The following DENND5B variants were observed in gnomAD, a reference collection of about 807,000 sequenced individuals.
The protein encoded by DENND5B is DENN domain-containing protein 5B.
A neutral mutation model predicts 140.6 loss-of-function variants in DENND5B; 34 were observed. The ratio of observed to expected loss-of-function variants is 0.24; its 90% CI spans 0.18 to 0.32. The LOEUF is 0.32. Ranked by LOEUF, DENND5B falls within the 10% of genes least tolerant of loss-of-function variation. The pLI is 1.00. For synonymous variants in DENND5B, 551 were observed against 562.1 expected, an observed-to-expected ratio of 0.98 and a Z score of 0.28; for missense variants, 1,142 against 1,560.2, an observed-to-expected ratio of 0.73 and a Z score of 4.52.
At chr12:31,427,052 C>A (rs1943270838) in intron 8 of DENND5B, among the ~76,000 whole-genome samples, 2 of 152,186 alleles carry the variant, frequency 1.3e-5, no homozygotes, top group Non-Finnish European at 2.9e-5. Context: ...GCTATAGGAT[C>A]ACTCTGAAAA....
intron 1 of DENND5B, among the ~76,000 whole-genome samples, chr12:31,504,253 G>A (rs1029198097): frequency 6.6e-6 from 1 of 152,162 alleles, no homozygotes; most frequent in Non-Finnish European, 1.5e-5. Flanking sequence ...ATACTAGAAT[G>A]TACATGGGCA....
At chr12:31,578,113 T>A (rs1270883309) in intron 1 of DENND5B, among the ~76,000 whole-genome samples, 2 of 100,106 alleles carry the variant, frequency 2.0e-5, no homozygotes, top group Admixed American at 2.9e-4. Flanking sequence ...GGGGACAAAG[T>A]GGGACGCTGT....
At chr12:31,541,540 G>A (rs1948679738) in intron 1 of DENND5B, among the ~76,000 whole-genome samples, 1 of 152,148 alleles carries the variant, frequency 6.6e-6, no homozygotes. Context: ...TACAAAGACA[G>A]GCAATAATAA....
At chr12:31,455,436 TTTGA>T (rs368386546) in intron 4 of DENND5B, among the ~76,000 whole-genome samples, 8 of 152,324 alleles carry the variant, frequency 5.3e-5, no homozygotes, top group African/African-American at 1.9e-4. Context: ...AAGCTGGGGC[TTTGA>T]TTATCTCAAA....
intron 1 of DENND5B, among the ~76,000 whole-genome samples, chr12:31,562,479 G>A (rs572719933): frequency 8.4e-4 from 127 of 151,888 alleles, no homozygotes; most frequent in Non-Finnish European, 1.6e-3. Flanking sequence ...GCGTGGTGGC[G>A]GGCACCTATA....
intron 1 of DENND5B, among the ~76,000 whole-genome samples, chr12:31,575,161 C>T (rs1433599053): frequency 1.3e-5 from 2 of 152,116 alleles, no homozygotes; most frequent in Non-Finnish European, 2.9e-5. Flanking sequence ...ATCTTGTTAC[C>T]CCAGCCATTT....
intron 1 of DENND5B, among the ~76,000 whole-genome samples, chr12:31,509,264 G>A (rs1197280979): frequency 6.6e-6 from 1 of 152,052 alleles, no homozygotes; most frequent in African/African-American, 2.4e-5. Flanking sequence ...CTTTTCCTCT[G>A]TCGACAGTGC....
intron 1 of DENND5B, among the ~76,000 whole-genome samples, chr12:31,513,026 A>G: frequency 6.6e-6 from 1 of 152,160 alleles, no homozygotes; most frequent in African/African-American, 2.4e-5. Context: ...AGCCTCCCTA[A>G]GTTCCTCTTG....
chr12:31,437,974 T>C (rs1318458916), intron 7 of DENND5B, among the ~76,000 whole-genome samples: 1 of 152,246 alleles, frequency 6.6e-6, no homozygotes, highest in Non-Finnish European at 1.5e-5. Context: ...CATCACTTTC[T>C]AGTATTCCAG....
chr12:31,566,942 C>T (rs1949653493), intron 1 of DENND5B, among the ~76,000 whole-genome samples: 1 of 152,164 alleles, frequency 6.6e-6, no homozygotes, highest in South Asian at 2.1e-4. Context: ...AGGAGAACTG[C>T]TTGAGCCTGG....
intron 7 of DENND5B, among the ~76,000 whole-genome samples, chr12:31,437,024 GTATC>G (rs1037378481): frequency 1.3e-5 from 2 of 152,022 alleles, no homozygotes; most frequent in Non-Finnish European, 2.9e-5. Context: ...CTCAATTATA[GTATC>G]TATCACAGAG....
Position 31,522,482 on chromosome 12 carries a change from T to G in DENND5B, c.128-26563A>C, listed in dbSNP as rs965882142. 7.2e-5 allele frequency among the ~76,000 whole-genome samples: 11 copies of G among 152,302 alleles called. No homozygotes were observed. The East Asian group carries it at 1.4e-3, about 19-fold the overall frequency. Reference sequence around the variant, plus strand: ...TATTTTGAGACAAGGTCTGGCTCTATTACCCTGGCTGAAGAGCAGTGGCAC... The same window carrying G: ...TATTTTGAGACAAGGTCTGGCTCTAGTACCCTGGCTGAAGAGCAGTGGCAC... On this transcript the variant is annotated intron_variant, in intron 1 of 20. Coordinates refer to ENST00000389082, the MANE Select transcript of DENND5B (RefSeq NM_144973.4).
chr12:31,432,811 TA>T (rs1943568578), intron 8 of DENND5B: 1 of 194,216 alleles, frequency 5.1e-6, no homozygotes, highest in African/African-American at 2.4e-5. Flanking sequence ...CTACTCCTTA[TA>T]ATTATGCTTG....
At chr12:31,402,463 T>A in intron 15 of DENND5B, 35 bp downstream of exon 15, 1 of 1,590,760 alleles carries the variant, frequency 6.3e-7, no homozygotes. Context: ...CTACACGTGA[T>A]ACATTCTTCT....
At chr12:31,504,086 A>G (rs551038226) in intron 1 of DENND5B, among the ~76,000 whole-genome samples, 1 of 152,218 alleles carries the variant, frequency 6.6e-6, no homozygotes, top group Non-Finnish European at 1.5e-5. Flanking sequence ...AATAATTCAG[A>G]GAATTTCCAG....
rs554987814 is a variant in DENND5B, at chr12:31,543,154, G to T, written c.128-47235C>A. The stretch of plus-strand genomic sequence containing the variant: ...CTCCAGGAGGTTGAGGCTACAGTGA[G>T]CGTTGACCGGGCCACTGCACTCCAG... On this transcript the variant is annotated intron_variant, in intron 1 of 20. Transcript: ENST00000389082. Among the ~76,000 whole-genome samples, 5 of 152,234 alleles carry T rather than the reference G, an allele frequency of 3.3e-5. No homozygotes were observed. In the East Asian group the frequency reaches 9.7e-4, roughly 29 times the overall value.
intron 1 of DENND5B, among the ~76,000 whole-genome samples, chr12:31,512,282 C>A (rs370481768): frequency 1.8e-4 from 27 of 151,774 alleles, no homozygotes; most frequent in African/African-American, 6.0e-4. Context: ...GGTACAACTA[C>A]GGTTCACTGT....
intron 11 of DENND5B, among the ~76,000 whole-genome samples, chr12:31,416,691 CTT>C (rs765765982): frequency 1.6e-4 from 24 of 151,822 alleles, no homozygotes; most frequent in African/African-American, 5.6e-4. Flanking sequence ...CAATTAAACT[CTT>C]GAGTGTTTGA....
intron 17 of DENND5B, 69 bp from the exon 18 acceptor site, chr12:31,392,765 A>T: frequency 2.2e-6 from 3 of 1,375,390 alleles, no homozygotes; most frequent in Non-Finnish European, 3.0e-6. Context: ...TGGGACATCA[A>T]CTGTGTCCAC....
Sources: gnomAD v4.1 joint callset for allele counts (sites outside exome capture counted in the v4.1 genomes callset) on GRCh38, gnomAD v4.1.1 for gene constraint, MANE v1.5 for transcripts, NCBI Gene and HGNC (gene_info 2026-07-23, HGNC 2026-07-21) for gene names.